Variants in PM20D2 observed in about 807,000 individuals in gnomAD.
PM20D2 encodes the protein xaa-Arg dipeptidase.
Under a neutral mutation model 42.9 loss-of-function variants are expected in PM20D2, and 33 were observed. That is an observed-to-expected ratio of 0.77 (90% CI 0.58 to 1.03). The LOEUF (loss-of-function observed/expected upper bound fraction) is 1.03, where lower values mean the gene tolerates loss of function less well. Among genes scored for constraint, PM20D2 ranks in the 50% least tolerant of loss-of-function variants. PM20D2 has a pLI of 0.00. For missense variants in PM20D2, 548 were observed against 557.0 expected (o/e 0.98, Z 0.16); for synonymous variants, 250 against 228.2 (o/e 1.10, Z -0.86).
rs1771363251 is a variant in PM20D2, at chr6:89,164,932, A to AAG, written c.*2670_*2671insGA. The AAG allele has an allele frequency of 6.7e-6, 1 of 148,546 alleles. No homozygotes were observed. Among genetic ancestry groups the AAG allele is most frequent in the African/African-American group, 2.5e-5 (1 of 40,310 alleles). 9.2% of individuals were successfully genotyped at this position (148,546 alleles called of 1,614,324 possible). A position where few individuals can be genotyped will look rare whatever the true frequency, so the allele number is the denominator to read the frequency against. On this transcript the variant is annotated 3_prime_UTR_variant, in exon 7 of 7. Transcript: ENST00000275072. ...GAGTTTCTGTGCCTGTAAAAAAAAA[A>AAG]AAAAAAAAAAGAAAAGAAAAGACAC...
At chr6:89,124,608 G>A in the PM20D2 span, among the ~76,000 whole-genome samples, 6 of 152,122 alleles carry the variant, frequency 3.9e-5, no homozygotes, top group Admixed American at 1.3e-4. Context: ...AAGTGAACTC[G>A]ATGAGCAAAG....
chr6:89,162,295 A>C lies in PM20D2; in HGVS notation c.*32A>C, dbSNP rs374464028. The C allele has an allele frequency of 2.6e-6, 4 of 1,564,230 alleles. No individual in the cohort carries two copies. Among genetic ancestry groups the C allele is most frequent in the Non-Finnish European group, 3.5e-6 (4 of 1,156,054 alleles). On this transcript the variant is annotated 3_prime_UTR_variant, in exon 7 of 7. Coordinates refer to ENST00000275072, the MANE Select transcript of PM20D2 (RefSeq NM_001010853.3). ...TAGGGGCCACTTATAAATCAAGAAG[A>C]CGTGATGATTTTTTTCTTTTAATCT...
chr6:89,156,074 C>T (rs1008520432), intron 4 of PM20D2, among the ~76,000 whole-genome samples: 2 of 151,974 alleles, frequency 1.3e-5, no homozygotes, highest in African/African-American at 2.4e-5. Context: ...TTAGTAGAGA[C>T]GAGGTTTCAT....
At chr6:89,110,906 A>T in the PM20D2 span, among the ~76,000 whole-genome samples, 1 of 152,152 alleles carries the variant, frequency 6.6e-6, no homozygotes. Context: ...ACTTGAGCCC[A>T]GGAGTTCAAG....
chr6:89,114,341 C>G, the PM20D2 span, among the ~76,000 whole-genome samples: 4 of 152,216 alleles, frequency 2.6e-5, no homozygotes, highest in African/African-American at 9.6e-5. Context: ...GGCAGGAGAA[C>G]TGCTTGAGCC....
the PM20D2 span, among the ~76,000 whole-genome samples, chr6:89,140,380 C>T: frequency 6.6e-6 from 1 of 152,194 alleles, no homozygotes; most frequent in Non-Finnish European, 1.5e-5. Context: ...TTCCTGCTAG[C>T]ATCTTTGAAA....
the PM20D2 span, among the ~76,000 whole-genome samples, chr6:89,115,636 T>C: frequency 0.035 from 5,020 of 142,554 alleles, 74 homozygotes; most frequent in African/African-American, 0.067. Context: ...TCTTTCTTTT[T>C]TTTTTTTTTT....
intron 5 of PM20D2, 135 bp downstream of exon 5, chr6:89,158,595 G>A: frequency 1.0e-6 from 1 of 974,718 alleles, no homozygotes; most frequent in Non-Finnish European, 1.5e-6. Flanking sequence ...AAACTTTATG[G>A]TTAGGGGAAA....
chr6:89,120,197 A>G, the PM20D2 span, among the ~76,000 whole-genome samples: 4 of 152,340 alleles, frequency 2.6e-5, no homozygotes, highest in East Asian at 7.7e-4. Context: ...GGAGCTAACA[A>G]TTCAAGATGA....
At chr6:89,123,298 G>A in the PM20D2 span, among the ~76,000 whole-genome samples, 4 of 152,204 alleles carry the variant, frequency 2.6e-5, no homozygotes, top group African/African-American at 7.2e-5. Context: ...AACTTAAGTC[G>A]TTTTCATCCA....
chr6:89,161,250 A>G (rs1414544064), intron 5 of PM20D2, among the ~76,000 whole-genome samples: 1 of 152,196 alleles, frequency 6.6e-6, no homozygotes, highest in Non-Finnish European at 1.5e-5. Flanking sequence ...TGGCAACTGG[A>G]TGTATGAGCA....
intron 5 of PM20D2, among the ~76,000 whole-genome samples, chr6:89,161,510 T>C (rs1398303805): frequency 6.6e-6 from 1 of 151,930 alleles, no homozygotes; most frequent in Non-Finnish European, 1.5e-5. Context: ...AGGGAGTAGG[T>C]GGCAGTGTGG....
chr6:89,098,389 T>G, the PM20D2 span: 1 of 591,070 alleles, frequency 1.7e-6, no homozygotes, highest in Non-Finnish European at 2.7e-6. Context: ...AATCATAATT[T>G]GTAGTGTGGG....
At chr6:89,129,397 T>C in the PM20D2 span, among the ~76,000 whole-genome samples, 1 of 152,122 alleles carries the variant, frequency 6.6e-6, no homozygotes, top group Non-Finnish European at 1.5e-5. Context: ...CGCAGGAGGA[T>C]TGCTTCAGCT....
intron 4 of PM20D2, among the ~76,000 whole-genome samples, chr6:89,157,427 C>CT (rs1449825221): frequency 6.6e-6 from 1 of 152,132 alleles, no homozygotes; most frequent in African/African-American, 2.4e-5. Flanking sequence ...AAAACTGAAT[C>CT]TGTAAATCCA....
chr6:89,099,524 A>G, the PM20D2 span, among the ~76,000 whole-genome samples: 4 of 135,912 alleles, frequency 2.9e-5, 1 homozygote, highest in South Asian at 9.4e-4. Flanking sequence ...ATACACACAC[A>G]CACACACATA....
chr6:89,117,856 G>A, the PM20D2 span: 3 of 1,562,104 alleles, frequency 1.9e-6, no homozygotes, highest in Admixed American at 5.6e-5. Context: ...GATGAACAGG[G>A]AGGTGTTGGG....
the PM20D2 span, among the ~76,000 whole-genome samples, chr6:89,109,021 T>C: frequency 6.6e-6 from 1 of 152,180 alleles, no homozygotes; most frequent in African/African-American, 2.4e-5. Context: ...TTATTCAGAA[T>C]TAAGCAAATA....
the PM20D2 span, among the ~76,000 whole-genome samples, chr6:89,131,279 CCAGCTCTCAATAGTGT>C: frequency 6.6e-6 from 1 of 152,066 alleles, no homozygotes; most frequent in African/African-American, 2.4e-5. Flanking sequence ...CTTAAAAGCC[CCAGCTCTCAATAGTGT>C]CACATTGGGG....
Sources: allele counts gnomAD v4.1 joint callset (sites outside exome capture counted in the v4.1 genomes callset), GRCh38; gene constraint gnomAD v4.1.1; transcripts MANE v1.5; gene names NCBI Gene and HGNC (gene_info 2026-07-23, HGNC 2026-07-21).